Variants in KANSL1 observed in about 807,000 individuals in gnomAD.
KANSL1 encodes KAT8 regulatory NSL complex subunit 1, also known as MLL1/MLL complex subunit KANSL1.
A neutral mutation model predicts 103.6 loss-of-function variants in KANSL1; 22 were observed. That is an observed-to-expected ratio of 0.21 (90% CI 0.15 to 0.30). KANSL1 has a LOEUF of 0.30. Ranked by LOEUF, KANSL1 falls within the 10% of genes least tolerant of loss-of-function variation. The pLI is 1.00. For synonymous variants in KANSL1, 600 were observed against 527.6 expected (o/e 1.14, Z -1.88); for missense variants, 1,337 against 1,399.8 (o/e 0.96, Z 0.72).
At chr17:46,032,664 A>C in intron 13 of KANSL1, 1 of 327,850 alleles carries the variant, frequency 3.1e-6, no homozygotes, top group Non-Finnish European at 5.6e-6. Context: ...GCCACTGTTA[A>C]CAATAAATGG....
chr17:46,099,139 C>T (rs1266359091), intron 2 of KANSL1, among the ~76,000 whole-genome samples: 3 of 122,234 alleles, frequency 2.5e-5, no homozygotes, highest in East Asian at 1.9e-4. Context: ...CTGGCTAACA[C>T]GGTGAAACCC....
chr17:46,096,868 C>T (rs2042110979), intron 2 of KANSL1, among the ~76,000 whole-genome samples: 1 of 152,198 alleles, frequency 6.6e-6, no homozygotes, highest in Non-Finnish European at 1.5e-5. Flanking sequence ...CCACCCACCT[C>T]AGCCTCCCAA....
chr17:46,207,530 G>C (rs1237921289), intron 1 of KANSL1, among the ~76,000 whole-genome samples: 1 of 149,070 alleles, frequency 6.7e-6, no homozygotes, highest in African/African-American at 2.5e-5. Flanking sequence ...AAAAAGAAAA[G>C]AAAACTGCGA....
At chr17:46,185,095 G>A (rs1315778723) in intron 1 of KANSL1, among the ~76,000 whole-genome samples, 2 of 152,176 alleles carry the variant, frequency 1.3e-5, no homozygotes, top group Admixed American at 6.5e-5. Context: ...CCAAAGTGCT[G>A]AGATTACAGG....
intron 6 of KANSL1, among the ~76,000 whole-genome samples, chr17:46,064,407 A>G (rs1293127476): frequency 6.6e-6 from 1 of 152,190 alleles, no homozygotes; most frequent in Non-Finnish European, 1.5e-5. Flanking sequence ...GCTCTCTTTT[A>G]CAGCAACATT....
At chr17:46,068,893 T>G (rs2078477028) in intron 4 of KANSL1, among the ~76,000 whole-genome samples, 1 of 152,168 alleles carries the variant, frequency 6.6e-6, no homozygotes, top group South Asian at 2.1e-4. Flanking sequence ...TAGCAATTGT[T>G]GAACTATCCC....
At chr17:46,046,908 C>T (rs1249089596) in intron 7 of KANSL1, among the ~76,000 whole-genome samples, 1 of 148,708 alleles carries the variant, frequency 6.7e-6, no homozygotes, top group African/African-American at 2.5e-5. Context: ...GTACTACAAA[C>T]TTTAAAATGC....
intron 2 of KANSL1, among the ~76,000 whole-genome samples, chr17:46,125,050 G>GGAGGGA (rs2043468760): frequency 1.4e-5 from 1 of 70,936 alleles, no homozygotes; most frequent in Non-Finnish European, 3.0e-5. Flanking sequence ...GGAGGGAGGA[G>GGAGGGA]GGAGGGAGGA....
chr17:46,056,005 T>C (rs1191864634), intron 6 of KANSL1, among the ~76,000 whole-genome samples: 1 of 152,244 alleles, frequency 6.6e-6, no homozygotes, highest in Non-Finnish European at 1.5e-5. Context: ...TTTCATTTTA[T>C]TTTATTTTTT....
chr17:46,122,207 T>C (rs2043311322), intron 2 of KANSL1, among the ~76,000 whole-genome samples: 1 of 152,252 alleles, frequency 6.6e-6, no homozygotes, highest in East Asian at 1.9e-4. Context: ...AACACAGAAG[T>C]TCCTTTGACT....
rs1567689551 is a variant in KANSL1 at position 46,113,635 on chromosome 17, C to CAA, written c.1290-18935_1290-18934insTT. On this transcript the variant is annotated intron_variant, in intron 2 of 14. Coordinates refer to ENST00000432791, the MANE Select transcript of KANSL1 (RefSeq NM_015443.4). ...TCATCCAAAAAACTCATGAGTTGGACTAAAAAAAAAACAAAAAAACCTACG... is the reference window on the plus strand; with the variant it reads ...TCATCCAAAAAACTCATGAGTTGGACAATAAAAAAAAAACAAAAAAACCTACG... Among the ~76,000 whole-genome samples, 3 of 143,546 alleles carry CAA rather than the reference C, an allele frequency of 2.1e-5. No individual in the cohort carries two copies. The East Asian group carries it at 7.5e-4, about 36-fold the overall frequency. The allele number at this position is 143,546 out of a possible 152,430, so 94.2% of individuals were successfully genotyped here. A position where few individuals can be genotyped will look rare whatever the true frequency, so the allele number is the denominator to read the frequency against.
intron 2 of KANSL1, among the ~76,000 whole-genome samples, chr17:46,165,648 T>C (rs1270942343): frequency 2.0e-5 from 3 of 151,790 alleles, no homozygotes; most frequent in Non-Finnish European, 4.4e-5. Flanking sequence ...GTAGCTGGGA[T>C]TAAAGGCGTG....
At chr17:46,145,064 A>G (rs940329904) in intron 2 of KANSL1, among the ~76,000 whole-genome samples, 1 of 152,236 alleles carries the variant, frequency 6.6e-6, no homozygotes, top group Non-Finnish European at 1.5e-5. Context: ...GCCAGAAATA[A>G]TTCTTTTAGG....
intron 7 of KANSL1, among the ~76,000 whole-genome samples, chr17:46,047,906 C>G (rs1359951360): frequency 7.1e-6 from 1 of 140,122 alleles, no homozygotes; most frequent in African/African-American, 2.8e-5. Context: ...CCCATCCCTT[C>G]CCCACTCCCC....
intron 2 of KANSL1, among the ~76,000 whole-genome samples, chr17:46,165,205 CAAGT>C (rs1410029901): frequency 2.0e-5 from 3 of 152,206 alleles, no homozygotes; most frequent in African/African-American, 7.2e-5. Context: ...TTAATAAATT[CAAGT>C]AAGAGTTACT....
At chr17:46,045,815 T>A (rs995225026) in intron 7 of KANSL1, 1 of 152,200 alleles carries the variant, frequency 6.6e-6, no homozygotes, top group African/African-American at 2.4e-5. Flanking sequence ...AGACACACAG[T>A]CTGGGTATAT....
Position 46,039,024 on chromosome 17 carries a change from T to A in KANSL1, c.2392+3A>T, listed in dbSNP as rs1568374384. ...GGTAGAGGTGCCATGGGCCTGGCCC[T>A]ACCTTCACTTCTCTCAGATGAATGG... On this transcript the variant is annotated splice_donor_region_variant and intron_variant, in intron 9 of 14. Transcript: ENST00000432791. The A allele has an allele frequency of 1.4e-5, 22 of 1,609,744 alleles. No individual in the cohort carries two copies. Among genetic ancestry groups the A allele is most frequent in the Non-Finnish European group, 1.7e-5 (20 of 1,179,288 alleles).
At chr17:46,131,041 T>TG (rs1484555907) in intron 2 of KANSL1, among the ~76,000 whole-genome samples, 1 of 152,220 alleles carries the variant, frequency 6.6e-6, no homozygotes, top group East Asian at 1.9e-4. Flanking sequence ...TGAAACCCTC[T>TG]GTCCTGGTTT....
chr17:46,048,657 C>T (rs192645968), intron 7 of KANSL1, among the ~76,000 whole-genome samples: 5 of 152,240 alleles, frequency 3.3e-5, no homozygotes, highest in East Asian at 1.9e-4. Flanking sequence ...CATGAGATTA[C>T]GTGAAAATTC....
Sources: allele counts gnomAD v4.1 joint callset (sites outside exome capture counted in the v4.1 genomes callset), GRCh38; gene constraint gnomAD v4.1.1; transcripts MANE v1.5; gene names NCBI Gene and HGNC (gene_info 2026-07-23, HGNC 2026-07-21).